RPRD1A: variants seen among roughly 807,000 people sequenced by gnomAD.
RPRD1A encodes the protein regulation of nuclear pre-mRNA domain-containing protein 1A.
In RPRD1A, 9 loss-of-function variants were observed where a neutral mutation model predicts 37.8. The ratio of observed to expected loss-of-function variants is 0.24; its 90% CI spans 0.14 to 0.42. RPRD1A has a LOEUF of 0.42. RPRD1A is among the 10% of genes least tolerant of loss of function. RPRD1A has a pLI of 1.00. For missense variants in RPRD1A, 255 were observed against 371.0 expected, an observed-to-expected ratio of 0.69 and a Z score of 2.57; for synonymous variants, 138 against 139.7, an observed-to-expected ratio of 0.99 and a Z score of 0.08.
At chr18:36,050,191 C>T (rs1913276794) in intron 1 of RPRD1A, among the ~76,000 whole-genome samples, 1 of 151,644 alleles carries the variant, frequency 6.6e-6, no homozygotes, top group Non-Finnish European at 1.5e-5. Flanking sequence ...TACTTAACGC[C>T]ACCGAACTGT....
intron 1 of RPRD1A, among the ~76,000 whole-genome samples, chr18:36,034,728 A>AGTATCCTATTGATGTGGGCTATCCAAT (rs1912068004): frequency 6.6e-6 from 1 of 152,364 alleles, no homozygotes; most frequent in South Asian, 2.1e-4. Flanking sequence ...CCAATTATGC[A>AGTATCCTATTGATGTGGGCTATCCAAT]GTATCCTATT....
chr18:36,043,930 T>G (rs1912775067), intron 1 of RPRD1A, among the ~76,000 whole-genome samples: 1 of 152,156 alleles, frequency 6.6e-6, no homozygotes, highest in Non-Finnish European at 1.5e-5. Flanking sequence ...ACTTAACTAC[T>G]AACAGACTAT....
intron 6 of RPRD1A, among the ~76,000 whole-genome samples, chr18:36,014,420 C>T (rs1423462676): frequency 2.6e-5 from 4 of 152,336 alleles, no homozygotes; most frequent in Admixed American, 2.6e-4. Context: ...GACACCATCA[C>T]TTACAACAGA....
intron 6 of RPRD1A, among the ~76,000 whole-genome samples, chr18:36,003,884 G>C (rs569309467): frequency 6.6e-6 from 1 of 151,296 alleles, no homozygotes; most frequent in Admixed American, 6.6e-5. Flanking sequence ...CTGTAGTCTC[G>C]ACCTCCTGGG....
chr18:36,027,270 G>C lies in RPRD1A; in HGVS notation c.527C>G (p.Ala176Gly). ...ATGAACTGCTGCATCACCTGAGGCT[G>C]CATTTTCCAGATCTTGTAATGCTCT... ...LVRALQDLEN[A>G]ASGDAAVHQR... is the part of the protein sequence containing the mutation. Residue 176 changes from alanine (A) to glycine (G), a missense_variant, in exon 5 of 7, where the codon GCA (alanine) becomes GGA (glycine). Physicochemically the swap from Ala to Gly is moderately conservative, Grantham distance 60 (BLOSUM62 0). Coordinates refer to ENST00000399022, the MANE Select transcript of RPRD1A (RefSeq NM_018170.5). The C allele has an allele frequency of 6.2e-7, 1 of 1,613,718 alleles. No homozygotes were observed. Among genetic ancestry groups the C allele is most frequent in the East Asian group, 2.2e-5 (1 of 44,872 alleles).
rs1232640063 is a variant in RPRD1A, at chr18:35,992,262, A to T, written c.*889T>A. On this transcript the variant is annotated 3_prime_UTR_variant, in exon 7 of 7. Coordinates refer to ENST00000399022, the MANE Select transcript of RPRD1A (RefSeq NM_018170.5). ...CTAAAAGTATTATTTTTAAAGTTATATGAGCAAGGGAATAATAAAAGTATC... is the reference window on the plus strand; with the variant it reads ...CTAAAAGTATTATTTTTAAAGTTATTTGAGCAAGGGAATAATAAAAGTATC... The T allele has an allele frequency of 2.0e-5, 3 of 152,610 alleles. No individual in the cohort carries two copies. Among genetic ancestry groups the T allele is most frequent in the Non-Finnish European group, 4.4e-5 (3 of 68,016 alleles). The allele number at this position is 152,610 out of a possible 1,614,324, so 9.5% of individuals were successfully genotyped here. A position where few individuals can be genotyped will look rare whatever the true frequency, so the allele number is the denominator to read the frequency against.
Position 36,033,699 on chromosome 18 carries a change from T to A in RPRD1A, c.281+9A>T. The A allele has an allele frequency of 6.2e-7, 1 of 1,602,954 alleles. No homozygotes were observed. The highest frequency in any genetic ancestry group is 8.5e-7 in the Non-Finnish European group (1 of 1,175,508). On this transcript the variant is annotated intron_variant, in intron 2 of 6. Coordinates refer to ENST00000399022, the MANE Select transcript of RPRD1A (RefSeq NM_018170.5). ...ACAGATTACCTAATACCCAAAACTATGATCATACCTTGAAACATGCTTAAA... is the reference window on the plus strand; with the variant it reads ...ACAGATTACCTAATACCCAAAACTAAGATCATACCTTGAAACATGCTTAAA...
intron 6 of RPRD1A, among the ~76,000 whole-genome samples, chr18:36,010,091 T>C (rs1005549273): frequency 6.6e-6 from 1 of 152,092 alleles, no homozygotes; most frequent in Non-Finnish European, 1.5e-5. Flanking sequence ...ATGTTAGTTA[T>C]TTAATATAAG....
At chr18:36,025,560 T>C (rs1159421800) in intron 6 of RPRD1A, 13 of 1,022,862 alleles carry the variant, frequency 1.3e-5, no homozygotes, top group Non-Finnish European at 1.7e-5. Context: ...AGTTACAGTC[T>C]TCTCTTCAAT....
chr18:36,013,768 A>G (rs1910321610), intron 6 of RPRD1A, among the ~76,000 whole-genome samples: 1 of 152,144 alleles, frequency 6.6e-6, no homozygotes, highest in South Asian at 2.1e-4. Context: ...GTTTTTTTAC[A>G]TTTCTGACAC....
intron 1 of RPRD1A, among the ~76,000 whole-genome samples, chr18:36,053,098 A>C (rs1913515811): frequency 6.6e-6 from 1 of 152,170 alleles, no homozygotes; most frequent in African/African-American, 2.4e-5. Context: ...GGGATAGAGG[A>C]GAAATAGAGA....
chr18:36,032,763 C>T (rs916516868), intron 2 of RPRD1A, among the ~76,000 whole-genome samples: 7 of 152,106 alleles, frequency 4.6e-5, no homozygotes, highest in African/African-American at 1.4e-4. Context: ...ATCGAGTTGC[C>T]ATTCACAGAG....
chr18:36,025,502 A>T, intron 6 of RPRD1A: 1 of 527,366 alleles, frequency 1.9e-6, no homozygotes, highest in South Asian at 2.0e-5. Flanking sequence ...TTTTGTAAAC[A>T]GTGACAAATG....
intron 6 of RPRD1A, among the ~76,000 whole-genome samples, chr18:36,014,917 A>G (rs1329545112): frequency 6.6e-6 from 1 of 152,130 alleles, no homozygotes; most frequent in African/African-American, 2.4e-5. Context: ...ACATTAGGAT[A>G]GCTACTATCA....
intron 1 of RPRD1A, among the ~76,000 whole-genome samples, chr18:36,059,902 T>C (rs2088871732): frequency 6.6e-6 from 1 of 152,210 alleles, no homozygotes; most frequent in African/African-American, 2.4e-5. Context: ...AGACTATAAC[T>C]ATTGAAGCTG....
At chr18:36,007,123 G>C (rs1371321318) in intron 6 of RPRD1A, among the ~76,000 whole-genome samples, 1 of 152,036 alleles carries the variant, frequency 6.6e-6, no homozygotes, top group East Asian at 1.9e-4. Context: ...TCATTTACAA[G>C]TGTACTGTGA....
chr18:36,018,659 G>A (rs577299800), intron 6 of RPRD1A, among the ~76,000 whole-genome samples: 2 of 151,984 alleles, frequency 1.3e-5, no homozygotes, highest in Non-Finnish European at 2.9e-5. Flanking sequence ...AAGCATTGAG[G>A]GCATGGTAAT....
intron 6 of RPRD1A, among the ~76,000 whole-genome samples, chr18:36,002,026 G>GCTTCTTTCAAGGTTTTTACTTTA (rs149934955): frequency 0.27 from 41,282 of 151,530 alleles, 6,074 homozygotes; most frequent in African/African-American, 0.39. Flanking sequence ...TCCCCCTCTG[G>GCTTCTTTCAAGGTTTTTACTTTA]CTTCTTTCAA....
At chr18:35,994,287 A>G (rs1219750418) in intron 6 of RPRD1A, among the ~76,000 whole-genome samples, 3 of 152,196 alleles carry the variant, frequency 2.0e-5, no homozygotes, top group African/African-American at 7.2e-5. Context: ...ACCATCCTAG[A>G]GAGTGCATAG....
Sources: gnomAD v4.1 joint callset for allele counts (sites outside exome capture counted in the v4.1 genomes callset) on GRCh38, gnomAD v4.1.1 for gene constraint, MANE v1.5 for transcripts, NCBI Gene and HGNC (gene_info 2026-07-23, HGNC 2026-07-21) for gene names.